The following SLCO1B1 variants were observed in gnomAD, a reference collection of about 807,000 sequenced individuals.
SLCO1B1 encodes solute carrier organic anion transporter family member 1B1, also known as OATP-2.
SLCO1B1 carries 81 observed loss-of-function variants against 70.1 expected under a neutral mutation model. That is an observed-to-expected ratio of 1.16 (90% CI 0.97 to 1.39). The LOEUF (loss-of-function observed/expected upper bound fraction) is 1.39. SLCO1B1 is among the 40% of genes most tolerant of loss of function. The pLI, the probability that SLCO1B1 is intolerant of heterozygous loss-of-function variation, is 0.00. For missense variants in SLCO1B1, 895 were observed against 799.6 expected, an observed-to-expected ratio of 1.12 and a Z score of -1.44; for synonymous variants, 283 against 271.5, an observed-to-expected ratio of 1.04 and a Z score of -0.42.
At chr12:21,214,994 T>C in intron 11 of SLCO1B1, among the ~76,000 whole-genome samples, 1 of 151,970 alleles carries the variant, frequency 6.6e-6, no homozygotes, top group East Asian at 1.9e-4. Flanking sequence ...ACCCGGTACC[T>C]CAGATGGAAA....
chr12:21,155,359 T>C (rs984231991), intron 2 of SLCO1B1, among the ~76,000 whole-genome samples: 2 of 152,088 alleles, frequency 1.3e-5, no homozygotes, highest in Admixed American at 6.6e-5. Flanking sequence ...TTACATCTTG[T>C]ACTCCATATT....
intron 2 of SLCO1B1, among the ~76,000 whole-genome samples, chr12:21,142,055 A>C (rs1277241816): frequency 9.7e-6 from 1 of 103,068 alleles, no homozygotes; most frequent in Non-Finnish European, 2.1e-5. Context: ...ATACTGACTT[A>C]TTTAAAAATT....
chr12:21,182,244 C>T (rs969375109), intron 7 of SLCO1B1, among the ~76,000 whole-genome samples: 3 of 152,136 alleles, frequency 2.0e-5, no homozygotes, highest in Middle Eastern at 3.2e-3. Flanking sequence ...AGCCTACTCT[C>T]ACTGTTGACA....
Position 21,197,104 on chromosome 12 carries a change from T to C in SLCO1B1, c.886T>C (p.Leu296=). ...AAAAGAAAGAAAAGCTTCACTGTCT[T>C]TGCATGTGCTGGAAACAAATGATGA... The part of the protein sequence containing the change: ...PQKERKASLS[L]HVLETNDEKD... The change falls in exon 8 of 15, where the codon TTG becomes CTG. Residue 296 remains leucine (L), a synonymous_variant. Transcript: ENST00000256958. The C allele has an allele frequency of 1.2e-6, 2 of 1,613,714 alleles. No individual in the cohort carries two copies. Among genetic ancestry groups the C allele is most frequent in the Non-Finnish European group, 1.7e-6 (2 of 1,179,736 alleles).
chr12:21,204,925 C>T (rs1048937167), intron 10 of SLCO1B1, among the ~76,000 whole-genome samples: 16 of 151,832 alleles, frequency 1.1e-4, no homozygotes, highest in African/African-American at 3.6e-4. Flanking sequence ...TCTTCATATA[C>T]GAGATTAGTT....
chr12:21,220,157 C>A (rs1321630173), intron 12 of SLCO1B1, among the ~76,000 whole-genome samples: 1 of 152,086 alleles, frequency 6.6e-6, no homozygotes, highest in African/African-American at 2.4e-5. Context: ...AAAGTTCTGG[C>A]TTGAGTTCTG....
At chr12:21,173,790 TGAGACG>T (rs1342321118) in intron 3 of SLCO1B1, among the ~76,000 whole-genome samples, 1 of 149,012 alleles carries the variant, frequency 6.7e-6, no homozygotes, top group East Asian at 1.9e-4. Context: ...TTTTTTTTTT[TGAGACG>T]GAGTCTCGCT....
intron 1 of SLCO1B1, among the ~76,000 whole-genome samples, chr12:21,140,986 T>G (rs534696226): frequency 1.3e-5 from 2 of 152,096 alleles, no homozygotes; most frequent in African/African-American, 4.8e-5. Context: ...TTTGCTCTTT[T>G]TAACAAATCC....
At position 21,239,252 on chromosome 12, in the gene SLCO1B1, A is replaced by T; in HGVS notation, c.*63A>T. On this transcript the variant is annotated 3_prime_UTR_variant, in exon 15 of 15. Transcript: ENST00000256958. ...AACAGCATTGCATTGATTCAGTAAG[A>T]TGTTATTTTTGAGGAGTTCCTGGTC... is the stretch of plus-strand genomic sequence containing the variant. 1 of 1,190,288 alleles carries T rather than the reference A, an allele frequency of 8.4e-7. No homozygotes were observed. Among genetic ancestry groups the T allele is most frequent in the African/African-American group, 1.5e-5 (1 of 66,788 alleles). The allele number at this position is 1,190,288 out of a possible 1,614,324, so 73.7% of individuals were successfully genotyped here.
At chr12:21,199,559 A>T (rs186472207) in intron 8 of SLCO1B1, among the ~76,000 whole-genome samples, 1 of 152,172 alleles carries the variant, frequency 6.6e-6, no homozygotes, top group Non-Finnish European at 1.5e-5. Flanking sequence ...AAAGTATGTT[A>T]TGGTAGAAGA....
chr12:21,178,619 C>G lies in SLCO1B1; in HGVS notation c.525C>G (p.Phe175Leu). Residue 175 changes from phenylalanine to leucine, a missense_variant, in exon 6 of 15, where the codon TTC (phenylalanine) becomes TTG (leucine). By Grantham distance (22) the Phe-to-Leu change is conservative. Coordinates refer to ENST00000256958, the MANE Select transcript of SLCO1B1 (RefSeq NM_006446.5). ...GGTCATACATGTGGATATATGTGTTCATGGGTAATATGCTTCGTGGAATAG... is the reference window on the plus strand; with the variant it reads ...GGTCATACATGTGGATATATGTGTTGATGGGTAATATGCTTCGTGGAATAG... ...ESGSYMWIYV[F>L]MGNMLRGIGE... is the part of the protein sequence containing the mutation. 1 of 1,608,260 alleles carries G rather than the reference C, an allele frequency of 6.2e-7. No individual in the cohort carries two copies. The highest frequency in any genetic ancestry group is 1.3e-5 in the African/African-American group (1 of 74,918).
chr12:21,183,170 T>C (rs569333006), intron 7 of SLCO1B1, among the ~76,000 whole-genome samples: 25 of 152,314 alleles, frequency 1.6e-4, no homozygotes, highest in Middle Eastern at 3.4e-3. Flanking sequence ...TTAAGCACCA[T>C]TTACTGGATC....
intron 1 of SLCO1B1, among the ~76,000 whole-genome samples, chr12:21,133,363 G>T (rs1159852551): frequency 5.3e-5 from 8 of 152,080 alleles, no homozygotes; most frequent in Non-Finnish European, 1.2e-4. Context: ...TTCCAATTCT[G>T]TGAAGAAAGT....
chr12:21,148,156 G>A (rs1244436228), intron 2 of SLCO1B1, among the ~76,000 whole-genome samples: 1 of 152,128 alleles, frequency 6.6e-6, no homozygotes, highest in Admixed American at 6.6e-5. Context: ...CATTCTGTAG[G>A]TTGCCTGTTC....
At chr12:21,203,377 G>C (rs1941179480) in intron 10 of SLCO1B1, among the ~76,000 whole-genome samples, 2 of 151,898 alleles carry the variant, frequency 1.3e-5, no homozygotes, top group Non-Finnish European at 2.9e-5. Flanking sequence ...CTCAAATCAA[G>C]GGCAAGAATC....
intron 14 of SLCO1B1, among the ~76,000 whole-genome samples, chr12:21,227,856 TAGAAC>T (rs2121198483): frequency 6.6e-6 from 1 of 152,242 alleles, no homozygotes; most frequent in East Asian, 1.9e-4. Flanking sequence ...AAGGTTTAGT[TAGAAC>T]TAAAATGGAA....
intron 7 of SLCO1B1, among the ~76,000 whole-genome samples, chr12:21,185,492 TC>T (rs1329265872): frequency 6.6e-6 from 1 of 152,040 alleles, no homozygotes; most frequent in Non-Finnish European, 1.5e-5. Flanking sequence ...CAACAACTTT[TC>T]CTGAATAATT....
chr12:21,237,425 C>A (rs984989930), intron 14 of SLCO1B1, among the ~76,000 whole-genome samples: 4 of 152,090 alleles, frequency 2.6e-5, no homozygotes, highest in African/African-American at 7.2e-5. Context: ...CCACTCTCTT[C>A]TTGCTTGCAT....
In SLCO1B1 at chr12:21,157,662, C is replaced by T. The variant is rs575892224; in HGVS notation, c.85-14988C>T. Among the ~76,000 whole-genome samples the T allele has an allele frequency of 6.8e-4, 100 of 147,568 alleles. 3 individuals carry two copies. In the South Asian group the frequency reaches 0.015, roughly 22 times the overall value. ...TGTCACCCAGGCTGGAGTGCAGTGG[C>T]GCGATCTTGGCTCACTGCAAGCTCT... On this transcript the variant is annotated intron_variant, in intron 2 of 14. Coordinates refer to ENST00000256958, the MANE Select transcript of SLCO1B1 (RefSeq NM_006446.5).
Sources: allele counts gnomAD v4.1 joint callset (sites outside exome capture counted in the v4.1 genomes callset), GRCh38; gene constraint gnomAD v4.1.1; transcripts MANE v1.5; gene names NCBI Gene and HGNC (gene_info 2026-07-23, HGNC 2026-07-21).